Variants in FBXO4 observed in about 807,000 individuals in gnomAD.
FBXO4 encodes the protein F-box only protein 4.
A neutral mutation model predicts 43.7 loss-of-function variants in FBXO4; 36 were observed. The ratio of observed to expected loss-of-function variants is 0.82; its 90% CI spans 0.63 to 1.09. FBXO4 has a LOEUF of 1.09. FBXO4 is among the 50% of genes least tolerant of loss of function. The pLI, the probability that FBXO4 is intolerant of heterozygous loss-of-function variation, is 0.00. For synonymous variants in FBXO4, 180 were observed against 165.6 expected (o/e 1.09, Z -0.67); for missense variants, 435 against 474.1 (o/e 0.92, Z 0.77).
chr5:42,032,337 C>G, the FBXO4 span, among the ~76,000 whole-genome samples: 1 of 152,244 alleles, frequency 6.6e-6, no homozygotes, highest in South Asian at 2.1e-4. Flanking sequence ...TCCCCCAGGT[C>G]TTGGGTGGGT....
chr5:41,991,093 C>T, the FBXO4 span, among the ~76,000 whole-genome samples: 2 of 152,164 alleles, frequency 1.3e-5, no homozygotes, highest in Non-Finnish European at 2.9e-5. Flanking sequence ...ACGTTAACGT[C>T]CCTTTCTACA....
the FBXO4 span, among the ~76,000 whole-genome samples, chr5:41,952,552 T>A: frequency 6.6e-6 from 1 of 152,176 alleles, no homozygotes; most frequent in Non-Finnish European, 1.5e-5. Flanking sequence ...CACAGTCAAT[T>A]TGAGAACATT....
the FBXO4 span, among the ~76,000 whole-genome samples, chr5:42,026,993 T>A: frequency 6.6e-6 from 1 of 151,948 alleles, no homozygotes; most frequent in Non-Finnish European, 1.5e-5. Context: ...CTCAGAGATA[T>A]TGGCCTGTAG....
At chr5:41,990,544 T>C in the FBXO4 span, among the ~76,000 whole-genome samples, 8 of 152,182 alleles carry the variant, frequency 5.3e-5, 1 homozygote, top group Admixed American at 4.6e-4. Flanking sequence ...ATCTAAAAAG[T>C]AGGAGTTAAC....
At chr5:41,995,827 A>G in the FBXO4 span, among the ~76,000 whole-genome samples, 1 of 152,162 alleles carries the variant, frequency 6.6e-6, no homozygotes, top group African/African-American at 2.4e-5. Context: ...TCTACAGCCC[A>G]TGAATCAGTA....
At chr5:42,039,476 C>G in the FBXO4 span, among the ~76,000 whole-genome samples, 1 of 152,052 alleles carries the variant, frequency 6.6e-6, no homozygotes, top group Non-Finnish European at 1.5e-5. Flanking sequence ...CATGTTCCTA[C>G]CTGTGGAACT....
the FBXO4 span, among the ~76,000 whole-genome samples, chr5:41,980,185 T>C: frequency 6.6e-6 from 1 of 152,124 alleles, no homozygotes; most frequent in Non-Finnish European, 1.5e-5. Context: ...GGGTATGTGT[T>C]AAATAAAAAA....
the FBXO4 span, among the ~76,000 whole-genome samples, chr5:42,031,892 G>A: frequency 0.016 from 2,441 of 152,086 alleles, 122 homozygotes; most frequent in East Asian, 0.1. Flanking sequence ...GCATTAGGAA[G>A]CATCGTAAGT....
the FBXO4 span, among the ~76,000 whole-genome samples, chr5:41,989,910 C>G: frequency 6.6e-6 from 1 of 152,180 alleles, no homozygotes; most frequent in East Asian, 1.9e-4. Context: ...TAAATTTCAC[C>G]AAAACTAGGA....
At chr5:41,981,709 C>CT in the FBXO4 span, among the ~76,000 whole-genome samples, 13 of 143,000 alleles carry the variant, frequency 9.1e-5, no homozygotes, top group East Asian at 1.4e-3. Flanking sequence ...CCTCTAATTT[C>CT]TTTTTTTTGG....
At chr5:41,960,691 T>A in the FBXO4 span, among the ~76,000 whole-genome samples, 10 of 152,148 alleles carry the variant, frequency 6.6e-5, no homozygotes, top group Admixed American at 3.3e-4. Flanking sequence ...GTGTTGATGT[T>A]CTCTATTGCA....
chr5:41,995,279 A>G, the FBXO4 span, among the ~76,000 whole-genome samples: 1 of 152,200 alleles, frequency 6.6e-6, no homozygotes, highest in Non-Finnish European at 1.5e-5. Context: ...CATTGAATGC[A>G]GGATAGGCAA....
At chr5:41,997,347 T>C in the FBXO4 span, among the ~76,000 whole-genome samples, 1 of 152,214 alleles carries the variant, frequency 6.6e-6, no homozygotes, top group Non-Finnish European at 1.5e-5. Context: ...ACTATCCCTG[T>C]GCCTTTCAAG....
In FBXO4 at chr5:41,927,130, T is replaced by C. The variant is rs1457715849; in HGVS notation, c.307T>C (p.Leu103=). 1.2e-6 allele frequency: 2 copies of C among 1,613,784 alleles called. No individual in the cohort carries two copies. The highest frequency in any genetic ancestry group is 3.3e-5 in the Admixed American group (2 of 59,984). ...VRDPILWRYF[L]LRDLPSWSSV... Reference sequence around the variant, plus strand: ...AGATCCAATTCTGTGGAGATACTTTTTGTTGAGGGATCTTCCTTCTTGGTC... The same window carrying C: ...AGATCCAATTCTGTGGAGATACTTTCTGTTGAGGGATCTTCCTTCTTGGTC... The change falls in exon 2 of 7, where the codon TTG becomes CTG. Residue 103 remains leucine, a synonymous_variant. Coordinates refer to ENST00000281623, the MANE Select transcript of FBXO4 (RefSeq NM_012176.3).
chr5:42,007,813 T>C, the FBXO4 span, among the ~76,000 whole-genome samples: 3 of 152,218 alleles, frequency 2.0e-5, no homozygotes, highest in East Asian at 1.9e-4. Context: ...CGCCAACATA[T>C]AGTAGACTAA....
the FBXO4 span, among the ~76,000 whole-genome samples, chr5:41,957,655 G>A: frequency 2.0e-5 from 3 of 150,510 alleles, no homozygotes; most frequent in South Asian, 2.1e-4. Flanking sequence ...CTTTTTCCAC[G>A]AGATCCTTTA....
At chr5:42,027,116 G>A in the FBXO4 span, among the ~76,000 whole-genome samples, 1 of 151,840 alleles carries the variant, frequency 6.6e-6, no homozygotes, top group South Asian at 2.1e-4. Context: ...AGATTGAGTA[G>A]GATTGGTATT....
chr5:41,983,610 G>A, the FBXO4 span, among the ~76,000 whole-genome samples: 7 of 152,024 alleles, frequency 4.6e-5, no homozygotes, highest in African/African-American at 1.7e-4. Context: ...TTTCCTAAAT[G>A]TCTTGGCCCA....
intron 3 of FBXO4, among the ~76,000 whole-genome samples, chr5:41,933,342 A>G (rs952283236): frequency 6.6e-6 from 1 of 152,070 alleles, no homozygotes; most frequent in Admixed American, 6.5e-5. Flanking sequence ...CAGCCTCCCA[A>G]GTACCTGGGA....
Sources: gnomAD v4.1 joint callset for allele counts (sites outside exome capture counted in the v4.1 genomes callset) on GRCh38, gnomAD v4.1.1 for gene constraint, MANE v1.5 for transcripts, NCBI Gene and HGNC (gene_info 2026-07-23, HGNC 2026-07-21) for gene names.